Variants in ARHGEF18 observed in about 807,000 individuals in gnomAD.
ARHGEF18 encodes rho guanine nucleotide exchange factor 18.
ARHGEF18 carries 93 observed loss-of-function variants against 155.7 expected under a neutral mutation model. That is an observed-to-expected ratio of 0.60 (90% CI 0.50 to 0.71). The LOEUF (loss-of-function observed/expected upper bound fraction) is 0.71, where lower values mean the gene tolerates loss of function less well. Ranked by LOEUF, ARHGEF18 falls within the 30% of genes least tolerant of loss-of-function variation. The pLI is 0.00. For missense variants in ARHGEF18, 1,593 were observed against 1,816.1 expected (o/e 0.88, Z 2.23); for synonymous variants, 742 against 753.1 (o/e 0.99, Z 0.24).
intron 10 of ARHGEF18, among the ~76,000 whole-genome samples, chr19:7,409,722 G>A (rs926599751): frequency 1.3e-4 from 19 of 151,460 alleles, no homozygotes; most frequent in Non-Finnish European, 1.9e-4. Context: ...GATTACAGGC[G>A]TGAGCCATCG....
downstream of ARHGEF18, chr19:7,473,310 AC>A (rs1262296169): frequency 2.9e-5 from 13 of 455,516 alleles, no homozygotes; most frequent in East Asian, 9.0e-4. Flanking sequence ...AGCACTGTCC[AC>A]CAGGAAGATG....
At chr19:7,388,492 G>C (rs2145492779) in intron 10 of ARHGEF18, among the ~76,000 whole-genome samples, 1 of 152,232 alleles carries the variant, frequency 6.6e-6, no homozygotes, top group East Asian at 1.9e-4. Flanking sequence ...GCCCAGAGAA[G>C]TTAAGTTTTT....
intron 2 of ARHGEF18, among the ~76,000 whole-genome samples, chr19:7,363,929 AAAAG>A (rs1203295419): frequency 1.5e-5 from 2 of 134,300 alleles, no homozygotes; most frequent in Admixed American, 1.5e-4. Context: ...ATGGATAAAT[AAAAG>A]AATGAAGGAA....
At chr19:7,476,301 C>T (rs1469677298), downstream of ARHGEF18, among the ~76,000 whole-genome samples, 2 of 152,118 alleles carry the variant, frequency 1.3e-5, no homozygotes, top group African/African-American at 2.4e-5. Flanking sequence ...GACAGAGATC[C>T]TGGGTCAAAA....
rs141117257 is a variant in ARHGEF18 at position 7,412,255 on chromosome 19, T to C, written c.968-28089T>C. 6.7e-3 allele frequency among the ~76,000 whole-genome samples: 1,013 copies of C among 151,624 alleles called. 6 individuals are homozygous for C. Among genetic ancestry groups the C allele is most frequent in the Middle Eastern group, 0.017 (5 of 294 alleles). The stretch of plus-strand genomic sequence containing the variant: ...TGGTCTCGAACTCCTGACTTCGTAT[T>C]CCGGCCTCCTCGGCCTCCCAAAGTG... On this transcript the variant is annotated intron_variant, in intron 10 of 28. Transcript: ENST00000668164.
At chr19:7,375,481 C>T (rs966897397) in intron 3 of ARHGEF18, among the ~76,000 whole-genome samples, 7 of 152,068 alleles carry the variant, frequency 4.6e-5, no homozygotes, top group African/African-American at 1.2e-4. Context: ...TGTGCAAAAA[C>T]GATCTGAGAT....
At chr19:7,419,314 C>T (rs1021994386) in intron 10 of ARHGEF18, among the ~76,000 whole-genome samples, 1 of 150,788 alleles carries the variant, frequency 6.6e-6, no homozygotes, top group Non-Finnish European at 1.5e-5. Flanking sequence ...CCACACTTGG[C>T]CCCCACACCC....
At position 7,395,715 on chromosome 19, in the gene ARHGEF18, A is replaced by G. The variant is rs536352584; in HGVS notation, c.967+12512A>G. Among the ~76,000 whole-genome samples the G allele has an allele frequency of 1.1e-4, 16 of 152,316 alleles. No homozygotes were observed. In the East Asian group the frequency reaches 2.9e-3, roughly 28 times the overall value. On this transcript the variant is annotated intron_variant, in intron 10 of 28. Transcript: ENST00000668164. This position sits in a 1 kb window ranked among gnomAD's most constrained non-coding sequence, Gnocchi z 5.0. ...TCCCTGGCAGGGAGCGTTTGGGTGC[A>G]AAACCGTGAGAACTATCTGTGCCAT...
intron 10 of ARHGEF18, among the ~76,000 whole-genome samples, chr19:7,400,340 A>G (rs1022735394): frequency 1.3e-5 from 2 of 152,250 alleles, no homozygotes; most frequent in South Asian, 2.1e-4. Context: ...TTTTAAAAAA[A>G]CAGGGTCTTG....
intron 10 of ARHGEF18, among the ~76,000 whole-genome samples, chr19:7,398,488 G>A (rs1278492825): frequency 1.3e-5 from 2 of 151,836 alleles, no homozygotes; most frequent in Non-Finnish European, 1.5e-5. Flanking sequence ...CCAGGAGTTC[G>A]AGACCAGCCT....
intron 13 of ARHGEF18, among the ~76,000 whole-genome samples, 199 bp downstream of exon 13, chr19:7,442,251 T>A (rs1489150916): frequency 6.6e-6 from 1 of 152,088 alleles, no homozygotes; most frequent in Non-Finnish European, 1.5e-5. Flanking sequence ...TTTTTTTCTT[T>A]TTTGAGACAC....
In ARHGEF18 at chr19:7,464,567, T is replaced by A; in HGVS notation, c.2781T>A (p.Ser927Arg). 1 of 1,609,162 alleles carries A rather than the reference T, an allele frequency of 6.2e-7. No homozygotes were observed. Among genetic ancestry groups the A allele is most frequent in the Non-Finnish European group, 8.5e-7 (1 of 1,176,476 alleles). Reference protein sequence around the residue: ...DCTNSPTKNGSFKKKVSSTDP... With the variant: ...DCTNSPTKNGRFKKKVSSTDP... ...CTGGCTTGGGGTTCTCAGATGGCAGTTTCAAGAAGAAAGTCAGCAGCACTG... is the reference window on the plus strand; with the variant it reads ...CTGGCTTGGGGTTCTCAGATGGCAGATTCAAGAAGAAAGTCAGCAGCACTG... Residue 927 changes from serine (S) to arginine (R), a missense_variant, in exon 23 of 29, where the codon AGT (serine) becomes AGA (arginine). By Grantham distance (110) the Ser-to-Arg change is moderately radical. Transcript: ENST00000668164.
intron 2 of ARHGEF18, among the ~76,000 whole-genome samples, chr19:7,367,448 A>T (rs911174307): frequency 1.3e-5 from 2 of 152,140 alleles, no homozygotes; most frequent in East Asian, 3.9e-4. Flanking sequence ...TACAAAAAAT[A>T]AAAAAATACT....
rs754952951 is a variant in ARHGEF18, at chr19:7,442,052, G to A, written c.1360G>A (p.Glu454Lys). Residue 454 changes from glutamate (E) to lysine (K), a missense_variant and splice_region_variant, in exon 13 of 29, where the codon GAG becomes AAG. Transcript: ENST00000668164. ...GGTGAAAAGACAAGATGTCCTTTAT[G>A]GTGAGGAGTCCACAGCCCTGTGCCA... is the stretch of plus-strand genomic sequence containing the variant. ...EVVKRQDVLY[E>K]LMQTEVHHVR... is the part of the protein sequence containing the mutation. 1.2e-5 allele frequency: 20 copies of A among 1,613,816 alleles called. No homozygotes were observed. Among genetic ancestry groups the A allele is most frequent in the Non-Finnish European group, 8.5e-7 (1 of 1,180,000 alleles).
chr19:7,431,771 G>A (rs772629630), intron 10 of ARHGEF18, among the ~76,000 whole-genome samples: 16 of 152,360 alleles, frequency 1.1e-4, no homozygotes, highest in South Asian at 4.1e-4. Context: ...CCGAGATTGC[G>A]CCATTGTGCT....
chr19:7,409,603 T>A (rs569274244), intron 10 of ARHGEF18, among the ~76,000 whole-genome samples: 84 of 144,470 alleles, frequency 5.8e-4, no homozygotes, highest in African/African-American at 2.1e-3. Flanking sequence ...AATTTTTGTA[T>A]TTTTGTATTT....
chr19:7,397,583 A>G (rs1971789002), intron 10 of ARHGEF18, among the ~76,000 whole-genome samples: 1 of 152,096 alleles, frequency 6.6e-6, no homozygotes, highest in African/African-American at 2.4e-5. Context: ...AATACAAAAA[A>G]TTAGCTGGGC....
At chr19:7,350,763 GGTGGGTGTGTGT>G (rs1160422768) in intron 1 of ARHGEF18, among the ~76,000 whole-genome samples, 11,366 of 133,156 alleles carry the variant, frequency 0.085, 589 homozygotes, top group Non-Finnish European at 0.11. Flanking sequence ...AGTTTTTTGG[GGTGGGTGTGTGT>G]GTGTGTGTGT....
chr19:7,436,715 C>T (rs562790848), intron 10 of ARHGEF18, among the ~76,000 whole-genome samples: 78 of 152,242 alleles, frequency 5.1e-4, no homozygotes, highest in African/African-American at 1.5e-3. Flanking sequence ...GGATACATCT[C>T]GGGATTTGCG....
Sources: allele counts gnomAD v4.1 joint callset (sites outside exome capture counted in the v4.1 genomes callset), GRCh38; gene constraint gnomAD v4.1.1; non-coding constraint Gnocchi (gnomAD v3.1); transcripts MANE v1.5; gene names NCBI Gene and HGNC (gene_info 2026-07-23, HGNC 2026-07-21).